DLC1: variants seen among roughly 807,000 people sequenced by gnomAD.
DLC1 encodes the protein rho GTPase-activating protein 7.
Under a neutral mutation model 140.3 loss-of-function variants are expected in DLC1, and 54 were observed. That is an observed-to-expected ratio of 0.38 (90% CI 0.31 to 0.48). The LOEUF (loss-of-function observed/expected upper bound fraction) is 0.48. Among genes scored for constraint, DLC1 ranks in the 20% least tolerant of loss-of-function variants. The probability of loss-of-function intolerance (pLI) is 0.96; values close to 1 mark genes in which losing one functional copy is unlikely to be tolerated. For missense variants in DLC1, 2,536 were observed against 1,907.0 expected, an observed-to-expected ratio of 1.33 and a Z score of -6.14; for synonymous variants, 986 against 728.1, an observed-to-expected ratio of 1.35 and a Z score of -5.70.
At chr8:13,138,860 A>T (rs1304809544) in intron 5 of DLC1, among the ~76,000 whole-genome samples, 1 of 152,192 alleles carries the variant, frequency 6.6e-6, no homozygotes, top group Admixed American at 6.5e-5. Flanking sequence ...TAGGCAGCAA[A>T]ATTAATTCAC....
chr8:13,549,288 C>T (rs1029254043), intron 1 of DLC1, among the ~76,000 whole-genome samples: 3 of 151,964 alleles, frequency 2.0e-5, no homozygotes, highest in Admixed American at 6.6e-5. Flanking sequence ...GCAAGTAAAA[C>T]AATTGTATGA....
intron 2 of DLC1, among the ~76,000 whole-genome samples, chr8:13,433,109 CA>C (rs1838961147): frequency 2.0e-5 from 3 of 151,998 alleles, no homozygotes; most frequent in Admixed American, 2.0e-4. Flanking sequence ...AGATGAGATG[CA>C]AAGTACAGGA....
chr8:13,104,485 C>G (rs981851174), intron 7 of DLC1, among the ~76,000 whole-genome samples: 3 of 152,200 alleles, frequency 2.0e-5, no homozygotes, highest in African/African-American at 7.2e-5. Flanking sequence ...TTCCTGCCAT[C>G]TCCCAGATGA....
chr8:13,561,836 C>G (rs895565696), intron 1 of DLC1, among the ~76,000 whole-genome samples: 2 of 152,112 alleles, frequency 1.3e-5, no homozygotes, highest in African/African-American at 2.4e-5. Context: ...GTTATTAACT[C>G]TACTACTAGT....
chr8:13,277,401 C>T (rs189539520), intron 5 of DLC1, among the ~76,000 whole-genome samples: 144 of 152,320 alleles, frequency 9.5e-4, no homozygotes, highest in African/African-American at 3.3e-3. Context: ...CATACTTCTA[C>T]TTACAGTGGT....
At chr8:13,365,591 C>T (rs1164577101) in intron 4 of DLC1, among the ~76,000 whole-genome samples, 2 of 152,144 alleles carry the variant, frequency 1.3e-5, no homozygotes, top group Non-Finnish European at 2.9e-5. Context: ...GTCCACCTTG[C>T]TTAATGAAGC....
At chr8:13,326,878 T>C (rs1833371328) in intron 4 of DLC1, among the ~76,000 whole-genome samples, 1 of 152,352 alleles carries the variant, frequency 6.6e-6, no homozygotes, top group East Asian at 1.9e-4. Context: ...GAATGAACTG[T>C]TGTGCATATG....
At chr8:13,130,628 G>C (rs1195346800) in intron 5 of DLC1, among the ~76,000 whole-genome samples, 1 of 152,156 alleles carries the variant, frequency 6.6e-6, no homozygotes, top group East Asian at 1.9e-4. Context: ...TTCATAGTTA[G>C]CAATAGTTAA....
intron 5 of DLC1, among the ~76,000 whole-genome samples, chr8:13,199,569 T>G (rs564991319): frequency 1.6e-4 from 24 of 152,318 alleles, no homozygotes; most frequent in African/African-American, 4.6e-4. Context: ...TGTTCCCTTC[T>G]GTCTATTGTA....
chr8:13,133,229 G>C (rs1563662600), intron 5 of DLC1: 3 of 1,411,284 alleles, frequency 2.1e-6, no homozygotes, highest in Admixed American at 3.0e-5. Flanking sequence ...CTGATGCGGA[G>C]AGGTGCGGCC....
At chr8:13,559,715 G>A (rs943499687) in intron 1 of DLC1, among the ~76,000 whole-genome samples, 36 of 152,150 alleles carry the variant, frequency 2.4e-4, no homozygotes, top group African/African-American at 8.2e-4. Flanking sequence ...TCTGTCATCT[G>A]TAATCACAGA....
At chr8:13,399,370 G>T (rs951569810) in intron 3 of DLC1, among the ~76,000 whole-genome samples, 2 of 152,268 alleles carry the variant, frequency 1.3e-5, no homozygotes, top group East Asian at 3.9e-4. Context: ...AATCTCACCT[G>T]CTGGGTGACC....
intron 5 of DLC1, among the ~76,000 whole-genome samples, chr8:13,209,480 G>C (rs1221750119): frequency 6.6e-6 from 1 of 152,096 alleles, no homozygotes; most frequent in African/African-American, 2.4e-5. Flanking sequence ...GCTTATTTGA[G>C]ATTATAGAAT....
chr8:13,431,542 A>G (rs1033676052), intron 2 of DLC1, among the ~76,000 whole-genome samples: 4 of 148,246 alleles, frequency 2.7e-5, no homozygotes, highest in East Asian at 2.0e-4. Flanking sequence ...TGATGTCACA[A>G]CTCTGTCTCT....
intron 1 of DLC1, among the ~76,000 whole-genome samples, chr8:13,586,660 C>T (rs1238431327): frequency 6.8e-6 from 1 of 147,322 alleles, no homozygotes; most frequent in Non-Finnish European, 1.5e-5. Context: ...AGAAATAATA[C>T]AGAGAGACCC....
At position 13,393,637 on chromosome 8, in the gene DLC1, T is replaced by G; in HGVS notation, c.1230A>C (p.Arg410=). 6.2e-7 allele frequency: 1 copy of G among 1,614,150 alleles called. No individual in the cohort carries two copies. The highest frequency in any genetic ancestry group is 2.2e-5 in the East Asian group (1 of 44,866). ...ACTCAGTGTCAGAAGACAAATTTAC[T>G]CGTGTCTGATTTACTGAAATGGTAT... is the stretch of plus-strand genomic sequence containing the variant. The part of the protein sequence containing the change: ...GADTISVNQT[R]VNLSSDTEST... Residue 410 remains arginine (R), a synonymous_variant, in exon 4 of 18, where the codon CGA becomes CGC. Coordinates refer to ENST00000276297, the MANE Select transcript of DLC1 (RefSeq NM_182643.3).
chr8:13,405,976 C>CTT (rs1837532959), intron 2 of DLC1, among the ~76,000 whole-genome samples: 1 of 36,632 alleles, frequency 2.7e-5, no homozygotes, highest in Admixed American at 3.4e-4. Flanking sequence ...TTTCTTTCAT[C>CTT]TCTCTCTCTC....
intron 7 of DLC1, among the ~76,000 whole-genome samples, chr8:13,107,309 C>T (rs1819649176): frequency 6.6e-6 from 1 of 152,284 alleles, no homozygotes; most frequent in African/African-American, 2.4e-5. Flanking sequence ...ACCAAAGGAG[C>T]TGTAAGATCT....
At chr8:13,590,773 C>T (rs1033121694) in intron 1 of DLC1, among the ~76,000 whole-genome samples, 1 of 151,918 alleles carries the variant, frequency 6.6e-6, no homozygotes, top group Non-Finnish European at 1.5e-5. Flanking sequence ...TTTAAAAGTT[C>T]TATAATTTAT....
Sources: gnomAD v4.1 joint callset for allele counts (sites outside exome capture counted in the v4.1 genomes callset) on GRCh38, gnomAD v4.1.1 for gene constraint, MANE v1.5 for transcripts, NCBI Gene and HGNC (gene_info 2026-07-23, HGNC 2026-07-21) for gene names.